CFAP96: variants seen among roughly 807,000 people sequenced by gnomAD.
CFAP96 encodes cilia and flagella associated protein 96.
At chr4:185,415,885 A>AT in the CFAP96 span, 1 of 1,589,216 alleles carries the variant, frequency 6.3e-7, no homozygotes, top group Non-Finnish European at 8.6e-7. Flanking sequence ...GATAAACAGT[A>AT]ATAGTCAACT....
At chr4:185,416,749 G>A in the CFAP96 span, among the ~76,000 whole-genome samples, 1 of 152,182 alleles carries the variant, frequency 6.6e-6, no homozygotes. Flanking sequence ...TGTTAGAAAG[G>A]CACTGGAGCC....
chr4:185,436,625 G>A, the CFAP96 span, among the ~76,000 whole-genome samples: 3 of 151,818 alleles, frequency 2.0e-5, no homozygotes, highest in Non-Finnish European at 4.4e-5. Flanking sequence ...CAGGAGAACC[G>A]CTTGAACCCA....
chr4:185,409,832 G>C, the CFAP96 span, among the ~76,000 whole-genome samples: 2 of 152,196 alleles, frequency 1.3e-5, no homozygotes, highest in African/African-American at 2.4e-5. Context: ...CATAGGAGGA[G>C]AAGGTAATGT....
the CFAP96 span, among the ~76,000 whole-genome samples, chr4:185,447,454 A>C: frequency 6.6e-6 from 1 of 152,236 alleles, no homozygotes; most frequent in East Asian, 1.9e-4. Context: ...TGCTGGGATT[A>C]CAGGCTTGAT....
chr4:185,431,289 A>G, the CFAP96 span, among the ~76,000 whole-genome samples: 4 of 152,304 alleles, frequency 2.6e-5, no homozygotes, highest in South Asian at 6.2e-4. Flanking sequence ...GTGCACTTCA[A>G]AAACTTCTCC....
At chr4:185,443,921 CTTTTTTTTT>C in the CFAP96 span, among the ~76,000 whole-genome samples, 2 of 82,808 alleles carry the variant, frequency 2.4e-5, no homozygotes, top group Non-Finnish European at 4.8e-5. Flanking sequence ...CTATATCTTT[CTTTTTTTTT>C]TTTTTTTTTT....
At chr4:185,424,140 C>CA in the CFAP96 span, among the ~76,000 whole-genome samples, 73 of 135,212 alleles carry the variant, frequency 5.4e-4, no homozygotes, top group South Asian at 7.4e-3. Flanking sequence ...CCATCTCTAC[C>CA]AAAAAAAAAA....
the CFAP96 span, among the ~76,000 whole-genome samples, chr4:185,419,080 T>G: frequency 6.6e-6 from 1 of 152,114 alleles, no homozygotes; most frequent in Non-Finnish European, 1.5e-5. Flanking sequence ...AGCAGTCGTT[T>G]CTCATTCCCC....
chr4:185,429,381 G>C, the CFAP96 span: 24 of 1,358,426 alleles, frequency 1.8e-5, no homozygotes, highest in African/African-American at 2.9e-4. Context: ...TGAAGTTAGC[G>C]GTATAGAGAG....
At chr4:185,442,484 G>T in the CFAP96 span, among the ~76,000 whole-genome samples, 1 of 151,884 alleles carries the variant, frequency 6.6e-6, no homozygotes, top group African/African-American at 2.4e-5. Flanking sequence ...AAAAACATTT[G>T]ATTTTTACAA....
chr4:185,436,487 G>A, the CFAP96 span: 339 of 607,330 alleles, frequency 5.6e-4, no homozygotes, highest in Non-Finnish European at 7.9e-4. Context: ...CGAGATGGGC[G>A]GATCACGAGG....
At chr4:185,426,643 T>C in the CFAP96 span, among the ~76,000 whole-genome samples, 1 of 152,204 alleles carries the variant, frequency 6.6e-6, no homozygotes, top group Non-Finnish European at 1.5e-5. Flanking sequence ...TAAATCTGTT[T>C]CTAGTTTCTA....
the CFAP96 span, among the ~76,000 whole-genome samples, chr4:185,434,105 G>C: frequency 6.6e-6 from 1 of 152,022 alleles, no homozygotes; most frequent in African/African-American, 2.4e-5. Flanking sequence ...TTTAGTCCCA[G>C]CTACTCGGGA....
chr4:185,446,989 A>G, the CFAP96 span, among the ~76,000 whole-genome samples: 3 of 151,866 alleles, frequency 2.0e-5, no homozygotes, highest in Non-Finnish European at 4.4e-5. Context: ...ACTCTACTAC[A>G]TTGCTGGTAA....
chr4:185,439,467 T>G, the CFAP96 span, among the ~76,000 whole-genome samples: 6 of 152,162 alleles, frequency 3.9e-5, no homozygotes, highest in African/African-American at 1.4e-4. Flanking sequence ...AAGTAACTAT[T>G]TTAGATTTCA....
the CFAP96 span, among the ~76,000 whole-genome samples, chr4:185,443,026 C>T: frequency 2.6e-5 from 4 of 152,000 alleles, no homozygotes; most frequent in African/African-American, 9.7e-5. Context: ...CAAGTGGATG[C>T]AGGCATCTTA....
the CFAP96 span, chr4:185,415,820 C>T: frequency 1.2e-6 from 2 of 1,613,678 alleles, no homozygotes; most frequent in East Asian, 2.2e-5. Context: ...TTACAGCTGC[C>T]AGGGAGGTTG....
At chr4:185,411,545 T>A in the CFAP96 span, among the ~76,000 whole-genome samples, 1 of 152,048 alleles carries the variant, frequency 6.6e-6, no homozygotes, top group Non-Finnish European at 1.5e-5. Flanking sequence ...GAATAAAAAA[T>A]AATGAGTCAT....
the CFAP96 span, among the ~76,000 whole-genome samples, chr4:185,420,437 TCCTAAG>T: frequency 6.6e-6 from 1 of 152,140 alleles, no homozygotes; most frequent in African/African-American, 2.4e-5. Context: ...CATTCCTAAA[TCCTAAG>T]CCTATTTAAC....
Sources: gnomAD v4.1 joint callset for allele counts (sites outside exome capture counted in the v4.1 genomes callset) on GRCh38, gnomAD v4.1.1 for gene constraint, MANE v1.5 for transcripts, NCBI Gene and HGNC (gene_info 2026-07-23, HGNC 2026-07-21) for gene names.